SLC4A11: variants seen among roughly 807,000 people sequenced by gnomAD.
The protein encoded by SLC4A11 is solute carrier family 4 member 11, also known as bicarbonate transporter related protein 1.
A neutral mutation model predicts 95.0 loss-of-function variants in SLC4A11; 74 were observed. The observed-to-expected ratio is 0.78, with a 90% CI of 0.65 to 0.95. The LOEUF (loss-of-function observed/expected upper bound fraction) is 0.95. SLC4A11 is among the 40% of genes least tolerant of loss of function. The pLI is 0.00. For missense variants in SLC4A11, 1,081 were observed against 1,192.4 expected (o/e 0.91, Z 1.38); for synonymous variants, 548 against 519.0 (o/e 1.06, Z -0.76).
At chr20:3,239,469 G>A (rs2068087337), upstream of SLC4A11, 8 of 1,026,704 alleles carry the variant, frequency 7.8e-6, no homozygotes, top group South Asian at 3.7e-4. Flanking sequence ...CCAGCGTCGC[G>A]AGTTTAGGGG....
In SLC4A11 at chr20:3,234,268, T is replaced by C; in HGVS notation, c.338A>G (p.Asp113Gly). ...NFKEEIRAHR[D>G]LDGFLAQASI... ...GGCCTGCGCCAGGAAGCCATCTAGG[T>C]CGCGGTGCGCACGGATCTCTTCCTT... Residue 113 changes from aspartate (D) to glycine (G), a missense_variant, in exon 5 of 20, where the codon GAC becomes GGC. This residue lies in a region of SLC4A11 where 310 missense variants were observed against 313.5 expected (regional missense o/e 0.99). Transcript: ENST00000642402. This position sits in a 1 kb window ranked among gnomAD's most constrained non-coding sequence, Gnocchi z 5.8. 6.2e-7 allele frequency: 1 copy of C among 1,614,018 alleles called. No homozygotes were observed. The highest frequency in any genetic ancestry group is 8.5e-7 in the Non-Finnish European group (1 of 1,179,990).
intron 19 of SLC4A11, 98 bp downstream of exon 19, chr20:3,228,161 G>A (rs1461699784): frequency 1.7e-4 from 24 of 144,084 alleles, no homozygotes; most frequent in Admixed American, 4.5e-4. Flanking sequence ...CCCATTCTCC[G>A]CCCCTAGGTG....
chr20:3,239,519 G>C (rs1437269389), upstream of SLC4A11: 1 of 993,594 alleles, frequency 1.0e-6, no homozygotes, highest in Non-Finnish European at 1.2e-6. Context: ...ACGTTCGACT[G>C]CGCCACGAGC....
In SLC4A11 at chr20:3,231,577, A is replaced by AT. The variant is rs778566717; in HGVS notation, c.730-30_730-29insA. ...GGGGTGGAGGATGGGAGTCACCCCT[A>AT]GAAACAGAGGAGGCCCTGCCCGGGC... On this transcript the variant is annotated intron_variant, in intron 7 of 19. Transcript: ENST00000642402. This position sits in a 1 kb window ranked among gnomAD's most constrained non-coding sequence, Gnocchi z 5.2. The AT allele has an allele frequency of 1.2e-6, 2 of 1,607,676 alleles. No individual in the cohort carries two copies. Among genetic ancestry groups the AT allele is most frequent in the Non-Finnish European group, 1.7e-6 (2 of 1,175,080 alleles).
In SLC4A11 at chr20:3,231,180, C is replaced by T. The variant is rs1191257793; in HGVS notation, c.1011G>A (p.Arg337=). ...TGAAGTCCAAGGGGTACAAGGGGAA[C>T]CTGCGTGCGATGTCCTCCCGGATGC... is the stretch of plus-strand genomic sequence containing the variant. ...GKGIREDIAR[R]FPLYPLDFTD... Residue 337 remains arginine, a synonymous_variant, in exon 9 of 20, where the codon AGG becomes AGA. Coordinates refer to ENST00000642402, the MANE Select transcript of SLC4A11 (RefSeq NM_001174089.2). The surrounding 1 kb of genome is among the most constrained non-coding windows in gnomAD (Gnocchi z 5.2). 51 of 1,614,036 alleles carry T rather than the reference C, an allele frequency of 3.2e-5. No individual in the cohort carries two copies. The highest frequency in any genetic ancestry group is 3.4e-5 in the Non-Finnish European group (40 of 1,180,038).
rs371516913 is a variant in SLC4A11 at position 3,228,354 on chromosome 20, C to T, written c.2463G>A (p.Val821=). 15 of 1,613,186 alleles carry T rather than the reference C, an allele frequency of 9.3e-6. No individual in the cohort carries two copies. The highest frequency in any genetic ancestry group is 1.0e-5 in the Non-Finnish European group (12 of 1,179,998). The change falls in exon 19 of 20, where the codon GTG becomes GTA. Residue 821 remains valine, a synonymous_variant. Transcript: ENST00000642402. ...RKIHYFTGLQ[V]LQLLLLCAFG... ...AGGCACACAGCAGCAGCAGCTGAAGCACCTGCAGGCCCGTGAAGTAGTGGA... is the reference window on the plus strand; with the variant it reads ...AGGCACACAGCAGCAGCAGCTGAAGTACCTGCAGGCCCGTGAAGTAGTGGA...
In SLC4A11 at chr20:3,228,722, G is replaced by A. The variant is rs572592880; in HGVS notation, c.2193-15C>T. Reference sequence around the variant, plus strand: ...CGTTCACAATCCTGCGGTGGCCCGAGCCGCGAGTGTCACCTCTGCGCCCCT... The same window carrying A: ...CGTTCACAATCCTGCGGTGGCCCGAACCGCGAGTGTCACCTCTGCGCCCCT... On this transcript the variant is annotated splice_polypyrimidine_tract_variant and intron_variant, in intron 17 of 19. Coordinates refer to ENST00000642402, the MANE Select transcript of SLC4A11 (RefSeq NM_001174089.2). 4 of 1,612,664 alleles carry A rather than the reference G, an allele frequency of 2.5e-6. No individual in the cohort carries two copies. The African/African-American group carries it at 5.3e-5, about 21-fold the overall frequency.
rs1568530567 is a variant in SLC4A11, at chr20:3,229,403, G to A, written c.1792C>T (p.Pro598Ser). 1.2e-6 allele frequency: 2 copies of A among 1,613,296 alleles called. No homozygotes were observed. Among genetic ancestry groups the A allele is most frequent in the Non-Finnish European group, 1.7e-6 (2 of 1,180,018 alleles). ...AGGGAGAAGGCGAGCACCGCGATGG[G>A]CAGGGCGCAGTCGGACAGGATCTCT... Reference protein sequence around the residue: ...VREILSDCALPIAVLAFSLIS... With the variant: ...VREILSDCALSIAVLAFSLIS... The change falls in exon 15 of 20, where the codon CCC becomes TCC. Residue 598 changes from proline (P) to serine (S), a missense_variant. Physicochemically the swap from Pro to Ser is moderately conservative, Grantham distance 74 (BLOSUM62 -1). Coordinates refer to ENST00000642402, the MANE Select transcript of SLC4A11 (RefSeq NM_001174089.2).
rs542935764 is a variant in SLC4A11 at position 3,239,172 on chromosome 20, G to C, written c.-35C>G. 5.6e-6 allele frequency: 8 copies of C among 1,436,032 alleles called. No individual in the cohort carries two copies. In the African/African-American group the frequency reaches 1.2e-4, roughly 21 times the overall value. 89.0% of individuals were successfully genotyped at this position (1,436,032 alleles called of 1,614,324 possible). A position where few individuals can be genotyped will look rare whatever the true frequency, so the allele number is the denominator to read the frequency against. ...GCGCACTCACGGCCGGGCTCCTCACGCGGCGCTCCGGCGCTTCTGGACCCC... is the reference window on the plus strand; with the variant it reads ...GCGCACTCACGGCCGGGCTCCTCACCCGGCGCTCCGGCGCTTCTGGACCCC... On this transcript the variant is annotated 5_prime_UTR_variant, in exon 1 of 20. Coordinates refer to ENST00000642402, the MANE Select transcript of SLC4A11 (RefSeq NM_001174089.2).
Position 3,230,144 on chromosome 20 carries a change from G to A in SLC4A11, c.1489+43C>T, listed in dbSNP as rs200769895. 9.0e-5 allele frequency: 144 copies of A among 1,607,126 alleles called. 1 individual carries two copies. Among genetic ancestry groups the A allele is most frequent in the African/African-American group, 1.3e-4 (10 of 74,896 alleles). ...GGGGCAGTGCAGAACCTCCCATCTC[G>A]GCTGAGCGCCCTGTTCAGCAGGTGG... On this transcript the variant is annotated intron_variant, in intron 13 of 19. Coordinates refer to ENST00000642402, the MANE Select transcript of SLC4A11 (RefSeq NM_001174089.2).
At position 3,227,473 on chromosome 20, in the gene SLC4A11, A is replaced by C. The variant is rs2067569802; in HGVS notation, c.*314T>G. The C allele has an allele frequency of 2.4e-6, 1 of 416,246 alleles. No homozygotes were observed. Among genetic ancestry groups the C allele is most frequent in the Non-Finnish European group, 4.5e-6 (1 of 222,076 alleles). 25.8% of individuals were successfully genotyped at this position (416,246 alleles called of 1,614,324 possible). ...AATGTGCGTCCAGCAAGTTCCTTAC[A>C]CAATCAAGGAAATGGTTTCTCTTTC... On this transcript the variant is annotated 3_prime_UTR_variant, in exon 20 of 20. Coordinates refer to ENST00000642402, the MANE Select transcript of SLC4A11 (RefSeq NM_001174089.2).
rs565229955 is a variant in SLC4A11 at position 3,230,178 on chromosome 20, C to A, written c.1489+9G>T. On this transcript the variant is annotated intron_variant, in intron 13 of 19. Transcript: ENST00000642402. ...CCCTGTTCAGCAGGTGGCCCCCAGC[C>A]GCACTCACTTTTAACCGTGCCCTTG... 6.2e-7 allele frequency: 1 copy of A among 1,613,334 alleles called. No individual in the cohort carries two copies. The highest frequency in any genetic ancestry group is 1.7e-5 in the Admixed American group (1 of 60,010).
At position 3,227,685 on chromosome 20, in the gene SLC4A11, A is replaced by G. The variant is rs2067575240; in HGVS notation, c.*102T>C. The G allele has an allele frequency of 3.9e-6, 5 of 1,277,962 alleles. No individual in the cohort carries two copies. In the African/African-American group the frequency reaches 5.9e-5, roughly 15 times the overall value. 79.2% of individuals were successfully genotyped at this position (1,277,962 alleles called of 1,614,324 possible). Reference sequence around the variant, plus strand: ...TGAGTCAGCCATGAGAAGGCGCAGCACAGAGCAGTCACCCACACACCTACA... The same window carrying G: ...TGAGTCAGCCATGAGAAGGCGCAGCGCAGAGCAGTCACCCACACACCTACA... On this transcript the variant is annotated 3_prime_UTR_variant, in exon 20 of 20. Transcript: ENST00000642402.
chr20:3,237,941 C>T lies in SLC4A11; in HGVS notation c.44-353G>A, dbSNP rs2068037694. 6.4e-7 allele frequency: 1 copy of T among 1,550,636 alleles called. No individual in the cohort carries two copies. ...CTGAGAAAACCCTGCCCCGCTGCAG[C>T]GAGAGGAAGGGACCGGGCCCGAGCG... is the stretch of plus-strand genomic sequence containing the variant. On this transcript the variant is annotated intron_variant, in intron 1 of 19. Transcript: ENST00000642402.
intron 16 of SLC4A11, 35 bp downstream of exon 16, chr20:3,229,060 G>GGCCCCC: frequency 1.3e-6 from 2 of 1,542,146 alleles, no homozygotes; most frequent in East Asian, 2.4e-5. Context: ...AGAGGCCCGG[G>GGCCCCC]CCCCGCCCAC....
rs2067911084 is a variant in SLC4A11 at position 3,234,708 on chromosome 20, T to G, written c.241+34A>C. ...AGTCACACCTGCCCAGTCCCGTGCC[T>G]TCCCCCAGTCTGCCCCTGCTGCAGC... On this transcript the variant is annotated intron_variant, in intron 3 of 19. Coordinates refer to ENST00000642402, the MANE Select transcript of SLC4A11 (RefSeq NM_001174089.2). This position sits in a 1 kb window ranked among gnomAD's most constrained non-coding sequence, Gnocchi z 5.8. 1 of 1,613,792 alleles carries G rather than the reference T, an allele frequency of 6.2e-7. No homozygotes were observed. The highest frequency in any genetic ancestry group is 1.7e-5 in the Admixed American group (1 of 60,002).
intron 7 of SLC4A11, 123 bp downstream of exon 7, chr20:3,233,391 G>A (rs1281326013): frequency 5.6e-6 from 8 of 1,441,094 alleles, no homozygotes; most frequent in African/African-American, 1.4e-5. Context: ...CCACAGGGCC[G>A]AGGCGAAGGG....
At position 3,237,539 on chromosome 20, in the gene SLC4A11, C is replaced by T. The variant is rs907517318; in HGVS notation, c.88+5G>A. 2 of 1,614,004 alleles carry T rather than the reference C, an allele frequency of 1.2e-6. No homozygotes were observed. The highest frequency in any genetic ancestry group is 1.7e-6 in the Non-Finnish European group (2 of 1,179,904). The stretch of plus-strand genomic sequence containing the variant: ...GCACACACACACTCCCCGAGAGGTA[C>T]TCACTTGAATCCTCGAAGTATCCAT... On this transcript the variant is annotated splice_donor_5th_base_variant and intron_variant, in intron 2 of 19. Coordinates refer to ENST00000642402, the MANE Select transcript of SLC4A11 (RefSeq NM_001174089.2).
Position 3,230,680 on chromosome 20 carries a change from G to A in SLC4A11, c.1283-33C>T, listed in dbSNP as rs773465472. Reference sequence around the variant, plus strand: ...CAGGGGGCAGGGCGGGTCAGGGCCCGGCAGGAACCAGGGGTCTCAGGCACC... The same window carrying A: ...CAGGGGGCAGGGCGGGTCAGGGCCCAGCAGGAACCAGGGGTCTCAGGCACC... On this transcript the variant is annotated intron_variant, in intron 11 of 19. Transcript: ENST00000642402. 46 of 1,612,826 alleles carry A rather than the reference G, an allele frequency of 2.9e-5. No individual in the cohort carries two copies. The South Asian group carries it at 2.9e-4, about 10-fold the overall frequency.
Sources: gnomAD v4.1 joint callset for allele counts on GRCh38, gnomAD v4.1.1 for gene constraint, gnomAD v4.1.1 regional missense constraint, Gnocchi (gnomAD v3.1) non-coding constraint, MANE v1.5 for transcripts, NCBI Gene and HGNC (gene_info 2026-07-23, HGNC 2026-07-21) for gene names.